The following CSMD3 variants were observed in gnomAD, a reference collection of about 807,000 sequenced individuals.
CSMD3 encodes the protein CUB and sushi domain-containing protein 3.
A neutral mutation model predicts 435.2 loss-of-function variants in CSMD3; 177 were observed. The ratio of observed to expected loss-of-function variants is 0.41; its 90% CI spans 0.36 to 0.46. The LOEUF (loss-of-function observed/expected upper bound fraction) is 0.46, where lower values mean the gene tolerates loss of function less well. CSMD3 is among the 20% of genes least tolerant of loss of function. CSMD3 has a pLI of 0.34. For missense variants in CSMD3, 4,265 were observed against 4,504.6 expected (o/e 0.95, Z 1.52); for synonymous variants, 1,656 against 1,520.5 (o/e 1.09, Z -2.07).
chr8:112,705,034 C>A lies in CSMD3; in HGVS notation c.1973-14984G>T, dbSNP rs73700778. On this transcript the variant is annotated intron_variant, in intron 13 of 70. Coordinates refer to ENST00000297405, the MANE Select transcript of CSMD3 (RefSeq NM_198123.2). Reference sequence around the variant, plus strand: ...AGTCTCATCAACTTTAATGTATGATCAATTCACTTCAGTTCAATATTTACA... The same window carrying A: ...AGTCTCATCAACTTTAATGTATGATAAATTCACTTCAGTTCAATATTTACA... 1.2e-3 allele frequency among the ~76,000 whole-genome samples: 185 copies of A among 152,168 alleles called. 1 individual carries two copies. The highest frequency in any genetic ancestry group is 4.3e-3 in the African/African-American group (177 of 41,528).
At chr8:113,043,090 A>C (rs1338920350) in intron 5 of CSMD3, among the ~76,000 whole-genome samples, 1 of 152,232 alleles carries the variant, frequency 6.6e-6, no homozygotes, top group Admixed American at 6.5e-5. Flanking sequence ...TGTGTTGCAA[A>C]TATAGTATTC....
chr8:112,755,998 G>T (rs763384632), intron 13 of CSMD3, among the ~76,000 whole-genome samples: 1 of 151,932 alleles, frequency 6.6e-6, no homozygotes, highest in Non-Finnish European at 1.5e-5. Context: ...AGCCACAAGG[G>T]AAATGGAATT....
At chr8:113,304,195 A>C (rs2093798894) in intron 2 of CSMD3, among the ~76,000 whole-genome samples, 1 of 96,906 alleles carries the variant, frequency 1.0e-5, no homozygotes, top group Non-Finnish European at 2.0e-5. Context: ...AGAGAAATGC[A>C]AATCAAAACC....
intron 5 of CSMD3, among the ~76,000 whole-genome samples, chr8:113,057,293 C>T (rs2088385505): frequency 6.6e-6 from 1 of 152,060 alleles, no homozygotes; most frequent in South Asian, 2.1e-4. Flanking sequence ...AACCAGAGAC[C>T]TTGCTTATAT....
In CSMD3 at chr8:112,685,620, C is replaced by A. The variant is rs769290304; in HGVS notation, c.2268G>T (p.Gly756=). The A allele has an allele frequency of 8.7e-6, 14 of 1,613,490 alleles. No individual in the cohort carries two copies. The highest frequency in any genetic ancestry group is 6.8e-6 in the Non-Finnish European group (8 of 1,179,630). Residue 756 remains glycine (G), a synonymous_variant, in exon 15 of 71, where the codon GGG becomes GGT. Coordinates refer to ENST00000297405, the MANE Select transcript of CSMD3 (RefSeq NM_198123.2). ...CATTGAAAGAAAGATGTATCCGGCTCCCTGGATCAGAGATTATCGTCCAGA... is the reference window on the plus strand; with the variant it reads ...CATTGAAAGAAAGATGTATCCGGCTACCTGGATCAGAGATTATCGTCCAGA... The part of the protein sequence containing the change: ...NCIWTIISDP[G]SRIHLSFNDF...
At chr8:112,533,090 A>C (rs1289052883) in intron 27 of CSMD3, among the ~76,000 whole-genome samples, 1 of 152,124 alleles carries the variant, frequency 6.6e-6, no homozygotes, top group Non-Finnish European at 1.5e-5. Flanking sequence ...TAAGCCATAC[A>C]GTAATCACAA....
At chr8:112,811,214 T>A (rs10088619) in intron 12 of CSMD3, among the ~76,000 whole-genome samples, 77,556 of 151,622 alleles carry the variant, frequency 0.51, 20,301 homozygotes, top group East Asian at 0.76. Flanking sequence ...TATCGTGTTA[T>A]AAAATAGTAA....
intron 3 of CSMD3, among the ~76,000 whole-genome samples, chr8:113,253,305 T>C (rs1162162551): frequency 6.6e-6 from 1 of 152,020 alleles, no homozygotes; most frequent in Non-Finnish European, 1.5e-5. Flanking sequence ...TGCATACATG[T>C]GCCATGTTGG....
chr8:112,618,008 C>T (rs1472556920), intron 22 of CSMD3, among the ~76,000 whole-genome samples: 1 of 152,010 alleles, frequency 6.6e-6, no homozygotes, highest in Non-Finnish European at 1.5e-5. Context: ...GAAGAAACTC[C>T]TGCCAGAAAA....
At chr8:112,366,725 G>T (rs1328608211) in intron 38 of CSMD3, among the ~76,000 whole-genome samples, 1 of 151,958 alleles carries the variant, frequency 6.6e-6, no homozygotes, top group Non-Finnish European at 1.5e-5. Context: ...TCCTGATTTG[G>T]CTCCTTTTGA....
intron 24 of CSMD3, among the ~76,000 whole-genome samples, chr8:112,562,463 T>G (rs1828713705): frequency 6.6e-6 from 1 of 151,558 alleles, no homozygotes; most frequent in Non-Finnish European, 1.5e-5. Flanking sequence ...ATATGTTAGT[T>G]TCATGTGCTA....
At chr8:113,023,970 C>A (rs913583591) in intron 5 of CSMD3, among the ~76,000 whole-genome samples, 4 of 151,976 alleles carry the variant, frequency 2.6e-5, no homozygotes, top group Non-Finnish European at 5.9e-5. Flanking sequence ...TATAAAATAT[C>A]TTTTTCGTTG....
chr8:112,820,611 A>C (rs184023955), intron 12 of CSMD3, among the ~76,000 whole-genome samples: 166 of 152,036 alleles, frequency 1.1e-3, no homozygotes, highest in African/African-American at 3.9e-3. Flanking sequence ...TGAACAGCCT[A>C]AAAGGTATTG....
At chr8:112,298,242 G>T (rs1475415212) in intron 53 of CSMD3, among the ~76,000 whole-genome samples, 3 of 151,842 alleles carry the variant, frequency 2.0e-5, no homozygotes, top group African/African-American at 4.8e-5. Context: ...ATATGAAACC[G>T]CAAAGTGTTA....
chr8:113,424,474 T>G (rs916281142), intron 1 of CSMD3, among the ~76,000 whole-genome samples: 2 of 151,600 alleles, frequency 1.3e-5, no homozygotes, highest in African/African-American at 4.8e-5. Flanking sequence ...GTGTTGACCT[T>G]GATAAGTTAG....
intron 48 of CSMD3, 46 bp from the exon 49 acceptor site, chr8:112,314,098 T>G: frequency 7.1e-7 from 1 of 1,417,940 alleles, no homozygotes; most frequent in Non-Finnish European, 9.9e-7. Flanking sequence ...AATTATATTC[T>G]CATTTGTCTT....
intron 18 of CSMD3, among the ~76,000 whole-genome samples, chr8:112,654,271 G>T (rs2075202980): frequency 6.6e-6 from 1 of 152,140 alleles, no homozygotes; most frequent in African/African-American, 2.4e-5. Flanking sequence ...CCTTCAGCTT[G>T]GGAAACAGTA....
intron 4 of CSMD3, among the ~76,000 whole-genome samples, chr8:113,125,318 T>A (rs1282057829): frequency 2.6e-5 from 4 of 152,030 alleles, no homozygotes; most frequent in Non-Finnish European, 5.9e-5. Flanking sequence ...TACTATCACA[T>A]GTGTCACATA....
chr8:113,313,329 C>CT (rs978099737), intron 2 of CSMD3: 301 of 148,778 alleles, frequency 2.0e-3, no homozygotes, highest in African/African-American at 4.5e-3. Context: ...TTTCTTTTTT[C>CT]TTTTTTTTTT....
Sources: gnomAD v4.1 joint callset for allele counts (sites outside exome capture counted in the v4.1 genomes callset) on GRCh38, gnomAD v4.1.1 for gene constraint, MANE v1.5 for transcripts, NCBI Gene and HGNC (gene_info 2026-07-23, HGNC 2026-07-21) for gene names.